RMND5A: variants seen among roughly 807,000 people sequenced by gnomAD.
RMND5A encodes the protein required for meiotic nuclear division 5 homolog A, also known as E3 ubiquitin-protein transferase RMND5A.
In RMND5A, 17 loss-of-function variants were observed where a neutral mutation model predicts 49.7. That is an observed-to-expected ratio of 0.34 (90% CI 0.23 to 0.51). The LOEUF is 0.51. RMND5A is among the 20% of genes least tolerant of loss of function. RMND5A has a pLI of 0.96. For missense variants in RMND5A, 255 were observed against 471.3 expected (o/e 0.54, Z 4.25); for synonymous variants, 156 against 167.7 (o/e 0.93, Z 0.54).
At position 86,776,768 on chromosome 2, in the gene RMND5A, T is replaced by G. The variant is rs1242970903; in HGVS notation, c.*3357T>G. Reference sequence around the variant, plus strand: ...TTTCAGGGAAGGCATGGAGGCATAGTTTGGTTAGTTTCATCACTAGGATGT... The same window carrying G: ...TTTCAGGGAAGGCATGGAGGCATAGGTTGGTTAGTTTCATCACTAGGATGT... On this transcript the variant is annotated 3_prime_UTR_variant, in exon 9 of 9. Transcript: ENST00000283632. The G allele has an allele frequency of 6.6e-6, 1 of 152,320 alleles. No homozygotes were observed. The highest frequency in any genetic ancestry group is 2.1e-4 in the South Asian group (1 of 4,822). The allele number at this position is 152,320 out of a possible 1,614,324, so 9.4% of individuals were successfully genotyped here.
chr2:86,751,849 G>A (rs766404363), intron 2 of RMND5A, 47 bp from the exon 3 acceptor site: 3 of 1,577,672 alleles, frequency 1.9e-6, no homozygotes, highest in South Asian at 2.3e-5. Flanking sequence ...TGTTAAGTGG[G>A]GTGAAAATAA....
intron 4 of RMND5A, among the ~76,000 whole-genome samples, chr2:86,763,918 T>A (rs2104407057): frequency 6.6e-6 from 1 of 152,346 alleles, no homozygotes; most frequent in Non-Finnish European, 1.5e-5. Flanking sequence ...TTAATATTTT[T>A]AAAAATCACT....
intron 4 of RMND5A, among the ~76,000 whole-genome samples, chr2:86,756,410 G>A (rs1283256463): frequency 2.0e-5 from 3 of 151,994 alleles, no homozygotes; most frequent in African/African-American, 7.2e-5. Flanking sequence ...AAGTAAAAAC[G>A]TACCATCAGT....
At chr2:86,765,403 A>T (rs1558726293) in intron 5 of RMND5A, 1 of 465,742 alleles carries the variant, frequency 2.1e-6, no homozygotes, top group African/African-American at 2.0e-5. Flanking sequence ...TTGGAATTCC[A>T]TATTAAACTT....
intron 7 of RMND5A, 29 bp downstream of exon 7, chr2:86,770,154 C>T: frequency 7.2e-7 from 1 of 1,391,750 alleles, no homozygotes; most frequent in African/African-American, 1.4e-5. Flanking sequence ...TGGCTATTTA[C>T]TTTTACTGCC....
chr2:86,746,501 C>A (rs766331762), intron 2 of RMND5A, among the ~76,000 whole-genome samples: 1 of 152,080 alleles, frequency 6.6e-6, no homozygotes, highest in Non-Finnish European at 1.5e-5. Context: ...CTTGTAAGGT[C>A]GAGATTATTG....
chr2:86,742,314 T>C (rs1275430600), intron 2 of RMND5A, among the ~76,000 whole-genome samples: 1 of 151,980 alleles, frequency 6.6e-6, no homozygotes, highest in Non-Finnish European at 1.5e-5. Context: ...AGGCAGACTC[T>C]GGGGAGATTG....
At position 86,771,701 on chromosome 2, in the gene RMND5A, T is replaced by A. The variant is rs1473394083; in HGVS notation, c.1101T>A (p.Phe367Leu). The A allele has an allele frequency of 6.2e-7, 1 of 1,606,702 alleles. No homozygotes were observed. Among genetic ancestry groups the A allele is most frequent in the African/African-American group, 1.3e-5 (1 of 74,664 alleles). ...IISRDALNKM[F>L]NGSKLKCPYC... ...CAAGAGATGCCCTGAATAAAATGTTTAATGGTAGCAAGTAAGTGTCTGACT... is the reference window on the plus strand; with the variant it reads ...CAAGAGATGCCCTGAATAAAATGTTAAATGGTAGCAAGTAAGTGTCTGACT... The change falls in exon 8 of 9, where the codon TTT becomes TTA. Residue 367 changes from phenylalanine to leucine, a missense_variant. Around this residue, in one of 3 missense-constraint regions of RMND5A, gnomAD observed 208 missense variants for 339.8 expected, o/e 0.61. Transcript: ENST00000283632.
chr2:86,770,536 A>G (rs987365661), intron 7 of RMND5A, among the ~76,000 whole-genome samples: 1 of 152,198 alleles, frequency 6.6e-6, no homozygotes, highest in African/African-American at 2.4e-5. Flanking sequence ...ACATTTGCCA[A>G]TAGAATAAGT....
chr2:86,770,212 G>T, intron 7 of RMND5A, 87 bp downstream of exon 7: 1 of 963,610 alleles, frequency 1.0e-6, no homozygotes, highest in Non-Finnish European at 1.7e-6. Flanking sequence ...CTTTTAACCA[G>T]GAAACATTGT....
chr2:86,744,834 A>C (rs1384918503), intron 2 of RMND5A, among the ~76,000 whole-genome samples: 1 of 152,146 alleles, frequency 6.6e-6, no homozygotes, highest in Non-Finnish European at 1.5e-5. Context: ...CTGGGCCTAC[A>C]TGCGCTTGCT....
intron 2 of RMND5A, among the ~76,000 whole-genome samples, chr2:86,751,390 C>T (rs1172929468): frequency 6.6e-6 from 1 of 152,164 alleles, no homozygotes; most frequent in African/African-American, 2.4e-5. Flanking sequence ...GCATGTATAG[C>T]TCAAAGGCAA....
At chr2:86,757,733 A>C (rs1421548895) in intron 4 of RMND5A, among the ~76,000 whole-genome samples, 1 of 152,194 alleles carries the variant, frequency 6.6e-6, no homozygotes, top group Non-Finnish European at 1.5e-5. Flanking sequence ...GCCACAGTCT[A>C]GTATCTGACT....
intron 7 of RMND5A, among the ~76,000 whole-genome samples, chr2:86,770,479 T>A (rs1459862208): frequency 1.3e-5 from 2 of 152,214 alleles, no homozygotes; most frequent in African/African-American, 4.8e-5. Context: ...TGGTTTTACT[T>A]TTGTCTTAAC....
At chr2:86,721,712 G>A (rs28527279) in intron 1 of RMND5A, among the ~76,000 whole-genome samples, 128,721 of 151,260 alleles carry the variant, frequency 0.85, 55,359 homozygotes, top group East Asian at 0.99. Context: ...ATCAAGAAGT[G>A]AAGGACTTAT....
Position 86,775,411 on chromosome 2 carries a change from A to G in RMND5A, c.*2000A>G, listed in dbSNP as rs1672752526. ...TATCTTTCCACCCAAACACCTACACAACGTTTAGGCTTCCTGTAAGGTTTG... is the reference window on the plus strand; with the variant it reads ...TATCTTTCCACCCAAACACCTACACGACGTTTAGGCTTCCTGTAAGGTTTG... On this transcript the variant is annotated 3_prime_UTR_variant, in exon 9 of 9. Coordinates refer to ENST00000283632, the MANE Select transcript of RMND5A (RefSeq NM_022780.4). 6.8e-6 allele frequency: 1 copy of G among 147,206 alleles called. No individual in the cohort carries two copies. Among genetic ancestry groups the G allele is most frequent in the Non-Finnish European group, 1.5e-5 (1 of 67,418 alleles). 9.1% of individuals were successfully genotyped at this position (147,206 alleles called of 1,614,324 possible).
chr2:86,764,771 T>TCA (rs1226724553), intron 4 of RMND5A, among the ~76,000 whole-genome samples: 1 of 152,236 alleles, frequency 6.6e-6, no homozygotes, highest in Non-Finnish European at 1.5e-5. Context: ...TTCAGATGCA[T>TCA]CATGTGACAC....
chr2:86,757,080 AG>A (rs1396977465), intron 4 of RMND5A, among the ~76,000 whole-genome samples: 10 of 151,194 alleles, frequency 6.6e-5, no homozygotes, highest in Non-Finnish European at 1.3e-4. Flanking sequence ...AGGCTGAGGC[AG>A]GAGAATCGCT....
intron 1 of RMND5A, among the ~76,000 whole-genome samples, chr2:86,721,785 T>C (rs1392762711): frequency 6.7e-6 from 1 of 150,114 alleles, no homozygotes; most frequent in Non-Finnish European, 1.5e-5. Flanking sequence ...CAGAAATTTA[T>C]GTGAAGGACG....
Sources: allele counts gnomAD v4.1 joint callset (sites outside exome capture counted in the v4.1 genomes callset), GRCh38; gene constraint gnomAD v4.1.1; regional missense constraint gnomAD v4.1.1; transcripts MANE v1.5; gene names NCBI Gene and HGNC (gene_info 2026-07-23, HGNC 2026-07-21).